TJP1: variants seen among roughly 807,000 people sequenced by gnomAD.
TJP1 encodes tight junction protein 1.
In TJP1, 43 loss-of-function variants were observed where a neutral mutation model predicts 194.2. The observed-to-expected ratio is 0.22, with a 90% confidence interval of 0.17 to 0.29. The LOEUF (loss-of-function observed/expected upper bound fraction) is 0.29, where lower values mean the gene tolerates loss of function less well. TJP1 is among the 10% of genes least tolerant of loss of function. TJP1 has a pLI of 1.00. For missense variants in TJP1, 1,971 were observed against 2,185.7 expected (o/e 0.90, Z 1.96); for synonymous variants, 801 against 779.0 (o/e 1.03, Z -0.47).
rs536402466 is a variant in TJP1 at position 29,780,894 on chromosome 15, A to C, written c.85-7537T>G. 3.9e-5 allele frequency among the ~76,000 whole-genome samples: 6 copies of C among 152,272 alleles called. No individual in the cohort carries two copies. In the South Asian group the frequency reaches 1.2e-3, roughly 32 times the overall value. ...AATCAACAATACATACGACATTAACAACATTACATACATTAACAACCTAAC... is the reference window on the plus strand; with the variant it reads ...AATCAACAATACATACGACATTAACCACATTACATACATTAACAACCTAAC... On this transcript the variant is annotated intron_variant, in intron 2 of 27. Transcript: ENST00000614355.
intron 2 of TJP1, among the ~76,000 whole-genome samples, chr15:29,948,946 TCCA>T (rs1327263886): frequency 5.1e-5 from 7 of 137,670 alleles, no homozygotes; most frequent in Non-Finnish European, 7.9e-5. Flanking sequence ...CTCTTCCAAC[TCCA>T]CCACCACCAC....
chr15:29,707,206 C>T (rs1468755773), intron 25 of TJP1, among the ~76,000 whole-genome samples: 2 of 152,128 alleles, frequency 1.3e-5, no homozygotes, highest in Non-Finnish European at 1.5e-5. Context: ...AATCACAGAA[C>T]GCCAAAGGCA....
chr15:29,738,797 C>CAGG (rs1252756346), intron 10 of TJP1, among the ~76,000 whole-genome samples: 2 of 135,820 alleles, frequency 1.5e-5, no homozygotes, highest in East Asian at 4.6e-4. Flanking sequence ...GAGACTGAGG[C>CAGG]AGGAGGACTG....
intron 2 of TJP1, among the ~76,000 whole-genome samples, chr15:29,946,215 G>A (rs1340343979): frequency 1.3e-5 from 2 of 152,192 alleles, no homozygotes. Context: ...ACAAGAGAAA[G>A]CTTTTTACTA....
intron 23 of TJP1, among the ~76,000 whole-genome samples, chr15:29,715,015 T>C (rs1028000991): frequency 1.3e-5 from 2 of 152,252 alleles, no homozygotes; most frequent in South Asian, 2.1e-4. Context: ...GGTGAGCTCC[T>C]ATGGCTCAGT....
Position 29,868,126 on chromosome 15 carries a change from A to T in TJP1, c.307-67424T>A, listed in dbSNP as rs1476129073. Among the ~76,000 whole-genome samples, 4 of 151,578 alleles carry T rather than the reference A, an allele frequency of 2.6e-5. No individual in the cohort carries two copies. The East Asian group carries it at 7.8e-4, about 29-fold the overall frequency. ...TATAATCCCAGCTACTCAGAGGCTG[A>T]GGTGGAATGATCGTTTGAGCCTATA... On this transcript the variant is annotated intron_variant, in intron 2 of 28. Transcript: ENST00000356107.
intron 1 of TJP1, among the ~76,000 whole-genome samples, chr15:29,802,825 T>C (rs2048875865): frequency 6.6e-6 from 1 of 152,200 alleles, no homozygotes; most frequent in African/African-American, 2.4e-5. Flanking sequence ...TTTTACTGCC[T>C]TTTTAATCTT....
Position 29,740,610 on chromosome 15 carries a change from C to T in TJP1, c.1256+721G>A, listed in dbSNP as rs538311942. Reference sequence around the variant, plus strand: ...TTGCACCACGGCACTCCAGCCTGGGCGACAGAGCAAGACCCTGTTTAAAAA... The same window carrying T: ...TTGCACCACGGCACTCCAGCCTGGGTGACAGAGCAAGACCCTGTTTAAAAA... On this transcript the variant is annotated intron_variant, in intron 10 of 27. Transcript: ENST00000614355. Among the ~76,000 whole-genome samples, 8 of 151,260 alleles carry T rather than the reference C, an allele frequency of 5.3e-5. No individual in the cohort carries two copies. The East Asian group carries it at 1.4e-3, about 26-fold the overall frequency.
chr15:29,836,983 T>A (rs941761730), intron 2 of TJP1, among the ~76,000 whole-genome samples: 1 of 152,170 alleles, frequency 6.6e-6, no homozygotes. Flanking sequence ...AATAAATTTA[T>A]ACTGTCCATA....
intron 8 of TJP1, among the ~76,000 whole-genome samples, chr15:29,745,292 C>A (rs2044689455): frequency 4.4e-5 from 3 of 68,282 alleles, no homozygotes; most frequent in Non-Finnish European, 8.6e-5. Flanking sequence ...GCTAATGGTC[C>A]CAAAATATTG....
intron 2 of TJP1, among the ~76,000 whole-genome samples, chr15:29,906,145 A>G (rs147987987): frequency 7.2e-4 from 110 of 152,220 alleles, no homozygotes; most frequent in African/African-American, 2.6e-3. Flanking sequence ...TGTACTTTCC[A>G]CTCAAGTTTG....
chr15:29,961,232 G>A (rs1278979868), intron 1 of TJP1, among the ~76,000 whole-genome samples: 2 of 151,584 alleles, frequency 1.3e-5, no homozygotes, highest in Non-Finnish European at 2.9e-5. Context: ...ATTATTCCCC[G>A]CATATTTAGG....
At chr15:29,949,163 TCCA>T (rs1262062908) in intron 2 of TJP1, among the ~76,000 whole-genome samples, 12 of 95,842 alleles carry the variant, frequency 1.3e-4, no homozygotes, top group South Asian at 4.1e-4. Context: ...CACTACTACC[TCCA>T]CCACCACCAC....
intron 2 of TJP1, among the ~76,000 whole-genome samples, chr15:29,862,937 C>G (rs564842642): frequency 6.6e-6 from 1 of 151,558 alleles, no homozygotes; most frequent in Non-Finnish European, 1.5e-5. Flanking sequence ...CGTGAGCCAC[C>G]GTGCCCAGCT....
Position 29,803,537 on chromosome 15 carries a change from C to T in TJP1, c.28-2835G>A, listed in dbSNP as rs115082339. Among the ~76,000 whole-genome samples, 767 of 152,206 alleles carry T rather than the reference C, an allele frequency of 5.0e-3. 6 individuals are homozygous for T. The highest frequency in any genetic ancestry group is 0.017 in the African/African-American group (710 of 41,542). On this transcript the variant is annotated intron_variant, in intron 1 of 27. Coordinates refer to ENST00000614355, the MANE Select transcript of TJP1 (RefSeq NM_001330239.4). ...TTTGACGTAAAGTATTTTCAACTTA[C>T]GATGAGTTTAATCAGGACATTGTTC...
At chr15:29,894,220 A>T (rs532783252) in intron 2 of TJP1, among the ~76,000 whole-genome samples, 1 of 152,290 alleles carries the variant, frequency 6.6e-6, no homozygotes, top group South Asian at 2.1e-4. Context: ...GCACCTTGGA[A>T]AGCTGAGGTG....
chr15:29,786,844 A>G (rs977769823), intron 2 of TJP1, among the ~76,000 whole-genome samples: 1 of 152,208 alleles, frequency 6.6e-6, no homozygotes, highest in Non-Finnish European at 1.5e-5. Context: ...AAATGGAAAG[A>G]GCACTGTATG....
chr15:29,932,451 C>G (rs28407358), intron 2 of TJP1, among the ~76,000 whole-genome samples: 48,051 of 151,714 alleles, frequency 0.32, 8,878 homozygotes, highest in East Asian at 0.54. Flanking sequence ...AAAGCAATCT[C>G]TACTTCTTGC....
chr15:29,958,447 G>T, intron 1 of TJP1, among the ~76,000 whole-genome samples: 1 of 151,742 alleles, frequency 6.6e-6, no homozygotes, highest in East Asian at 1.9e-4. Context: ...ATCTATTCCT[G>T]CCATCTTGTT....
Sources: gnomAD v4.1 joint callset for allele counts (sites outside exome capture counted in the v4.1 genomes callset) on GRCh38, gnomAD v4.1.1 for gene constraint, MANE v1.5 for transcripts, NCBI Gene and HGNC (gene_info 2026-07-23, HGNC 2026-07-21) for gene names.